Variants in ABLIM2 observed in about 807,000 individuals in gnomAD.
ABLIM2 encodes actin binding LIM protein family member 2.
In ABLIM2, 53 loss-of-function variants were observed where a neutral mutation model predicts 97.7. The ratio of observed to expected loss-of-function variants is 0.54; its 90% CI spans 0.44 to 0.68. The LOEUF (loss-of-function observed/expected upper bound fraction) is 0.68. Among genes scored for constraint, ABLIM2 ranks in the 30% least tolerant of loss-of-function variants. The pLI is 0.00. For missense variants in ABLIM2, 835 were observed against 867.2 expected (o/e 0.96, Z 0.47); for synonymous variants, 361 against 345.8 (o/e 1.04, Z -0.49).
chr4:8,003,046 C>T lies in ABLIM2; in HGVS notation c.1618+5013G>A, dbSNP rs1469327787. Among the ~76,000 whole-genome samples the T allele has an allele frequency of 2.0e-5, 3 of 152,214 alleles. No individual in the cohort carries two copies. The highest frequency in any genetic ancestry group is 4.4e-5 in the Non-Finnish European group (3 of 68,048). On this transcript the variant is annotated intron_variant, in intron 16 of 20. Coordinates refer to ENST00000447017, the MANE Select transcript of ABLIM2 (RefSeq NM_001130083.2). The surrounding 1 kb of genome is among the most constrained non-coding windows in gnomAD (Gnocchi z 4.2). ...GAATGTCGGCTCCCCAGACAGGGAA[C>T]TTTGTCTGTTTTGGCCTCTGCTCTG...
At chr4:8,029,897 GC>G in intron 10 of ABLIM2, 121 bp from the exon 11 acceptor site, 1 of 1,337,288 alleles carries the variant, frequency 7.5e-7, no homozygotes, top group Non-Finnish European at 1.0e-6. Context: ...ACTCAACATG[GC>G]CCCATGTGGG....
intron 3 of ABLIM2, among the ~76,000 whole-genome samples, chr4:8,092,819 T>C (rs781129566): frequency 2.6e-5 from 4 of 152,222 alleles, no homozygotes; most frequent in African/African-American, 7.2e-5. Context: ...TTTTGGTTTA[T>C]AGTCATCTCT....
chr4:7,979,633 G>T (rs867753023), intron 20 of ABLIM2, among the ~76,000 whole-genome samples: 1 of 152,112 alleles, frequency 6.6e-6, no homozygotes, highest in Non-Finnish European at 1.5e-5. Context: ...ATGACCAAAG[G>T]GCACCAGAGA....
At position 8,083,256 on chromosome 4, in the gene ABLIM2, G is replaced by A. The variant is rs550485415; in HGVS notation, c.455-2454C>T. Among the ~76,000 whole-genome samples, 49 of 152,284 alleles carry A rather than the reference G, an allele frequency of 3.2e-4. No homozygotes were observed. The highest frequency in any genetic ancestry group is 1.5e-3 in the South Asian group (7 of 4,818). ...TCAGATCCCAGCAATGCCCCCCACC[G>A]GCTGTGACCTGGGGAAGTCACTTCA... On this transcript the variant is annotated intron_variant, in intron 4 of 20. Transcript: ENST00000447017. The surrounding 1 kb of genome is among the most constrained non-coding windows in gnomAD (Gnocchi z 4.6).
rs114752246 is a variant in ABLIM2 at position 8,095,232 on chromosome 4, T to G, written c.338+1867A>C. ...AATCCTCCCATCTCAGCCTCTCACA[T>G]AGCTGGGACTACAGGCATGCACCAC... On this transcript the variant is annotated intron_variant, in intron 3 of 20. Transcript: ENST00000447017. This position sits in a 1 kb window ranked among gnomAD's most constrained non-coding sequence, Gnocchi z 4.7. Among the ~76,000 whole-genome samples the G allele has an allele frequency of 9.4e-3, 1,432 of 152,128 alleles. 18 individuals carry two copies. The highest frequency in any genetic ancestry group is 0.033 in the African/African-American group (1,374 of 41,484).
intron 1 of ABLIM2, among the ~76,000 whole-genome samples, chr4:8,116,086 T>C (rs913980254): frequency 2.0e-5 from 3 of 152,182 alleles, no homozygotes; most frequent in Non-Finnish European, 4.4e-5. Context: ...GTCGGCCCAG[T>C]GAAACCACAG....
chr4:8,027,965 A>G, intron 11 of ABLIM2, 108 bp from the exon 12 acceptor site: 1 of 780,788 alleles, frequency 1.3e-6, no homozygotes, highest in Non-Finnish European at 1.9e-6. Flanking sequence ...TCCTCTCTTG[A>G]GGAATGCACA....
intron 19 of ABLIM2, 24 bp downstream of exon 19, chr4:7,983,523 C>T: frequency 6.2e-7 from 1 of 1,612,928 alleles, no homozygotes; most frequent in South Asian, 1.1e-5. Flanking sequence ...GCACGGAGGT[C>T]AGTGTGGGAG....
chr4:7,966,130 G>GA lies in ABLIM2; in HGVS notation c.*859dup, dbSNP rs1722869242. The GA allele has an allele frequency of 6.6e-6, 1 of 152,220 alleles. No homozygotes were observed. Among genetic ancestry groups the GA allele is most frequent in the South Asian group, 2.1e-4 (1 of 4,822 alleles). The allele number at this position is 152,220 out of a possible 1,614,324, so 9.4% of individuals were successfully genotyped here. A position where few individuals can be genotyped will look rare whatever the true frequency, so the allele number is the denominator to read the frequency against. ...CCTGTGTGACGAGAAAAAGAAAAAA[G>GA]AAAAAGAAAAGAAACTAGACAGGGA... On this transcript the variant is annotated 3_prime_UTR_variant, in exon 21 of 21. Coordinates refer to ENST00000447017, the MANE Select transcript of ABLIM2 (RefSeq NM_001130083.2).
At chr4:8,126,104 G>A (rs966532077) in intron 1 of ABLIM2, among the ~76,000 whole-genome samples, 2 of 152,196 alleles carry the variant, frequency 1.3e-5, no homozygotes, top group African/African-American at 2.4e-5. Flanking sequence ...GTCACTGCCT[G>A]AGCCAGGGCT....
At chr4:8,063,638 C>G (rs1246261213) in intron 6 of ABLIM2, among the ~76,000 whole-genome samples, 3 of 152,232 alleles carry the variant, frequency 2.0e-5, no homozygotes, top group African/African-American at 7.2e-5. Context: ...CCAGGCCTGG[C>G]AGGCACTCAA....
At chr4:8,030,196 C>T (rs540101001) in intron 10 of ABLIM2, among the ~76,000 whole-genome samples, 2 of 152,330 alleles carry the variant, frequency 1.3e-5, no homozygotes, top group East Asian at 1.9e-4. Flanking sequence ...GGGGCTCTAA[C>T]GGCCCTGGAG....
intron 8 of ABLIM2, among the ~76,000 whole-genome samples, chr4:8,045,505 C>T (rs1013209369): frequency 1.4e-4 from 22 of 152,218 alleles, no homozygotes; most frequent in African/African-American, 4.8e-4. Flanking sequence ...AAAAATTAGC[C>T]GGGTGTGGTG....
intron 16 of ABLIM2, chr4:7,993,841 C>T: frequency 2.2e-6 from 1 of 460,156 alleles, no homozygotes; most frequent in Non-Finnish European, 4.4e-6. Flanking sequence ...AGGGGGCAGC[C>T]TTTCCCAGCC....
rs994274607 is a variant in ABLIM2, at chr4:8,095,643, C to T, written c.338+1456G>A. 2.6e-5 allele frequency among the ~76,000 whole-genome samples: 4 copies of T among 152,126 alleles called. No individual in the cohort carries two copies. The highest frequency in any genetic ancestry group is 2.1e-4 in the South Asian group (1 of 4,824). On this transcript the variant is annotated intron_variant, in intron 3 of 20. Coordinates refer to ENST00000447017, the MANE Select transcript of ABLIM2 (RefSeq NM_001130083.2). This position sits in a 1 kb window ranked among gnomAD's most constrained non-coding sequence, Gnocchi z 4.7. ...AAGCGATCCTCCTACCTTGGCCTCC[C>T]GAGGTGCTGGATTACGGGTGTGAGC...
chr4:8,036,104 A>T (rs377618747), intron 10 of ABLIM2, 45 bp downstream of exon 10: 6 of 1,605,336 alleles, frequency 3.7e-6, no homozygotes, highest in Non-Finnish European at 5.1e-6. Flanking sequence ...GCAGGGCAGC[A>T]CTTGGGGACA....
intron 20 of ABLIM2, among the ~76,000 whole-genome samples, chr4:7,981,482 C>G (rs994941880): frequency 6.6e-6 from 1 of 152,182 alleles, no homozygotes; most frequent in African/African-American, 2.4e-5. Context: ...ACCGTGGGCC[C>G]GTGTTCTCAG....
intron 20 of ABLIM2, among the ~76,000 whole-genome samples, chr4:7,971,526 G>A (rs958592498): frequency 6.6e-6 from 1 of 152,178 alleles, no homozygotes; most frequent in African/African-American, 2.4e-5. Context: ...GAGGTTGTGT[G>A]ACTTGCCCAA....
intron 9 of ABLIM2, among the ~76,000 whole-genome samples, chr4:8,037,820 A>T (rs1785518357): frequency 6.6e-6 from 1 of 152,260 alleles, no homozygotes; most frequent in Non-Finnish European, 1.5e-5. Flanking sequence ...CCTGGCCCAC[A>T]GTGGCGCTCC....
Sources: gnomAD v4.1 joint callset for allele counts (sites outside exome capture counted in the v4.1 genomes callset) on GRCh38, gnomAD v4.1.1 for gene constraint, Gnocchi (gnomAD v3.1) non-coding constraint, MANE v1.5 for transcripts, NCBI Gene and HGNC (gene_info 2026-07-23, HGNC 2026-07-21) for gene names.